Variants in MFN1 observed in about 807,000 individuals in gnomAD.
The protein encoded by MFN1 is mitofusin 1.
In MFN1, 65 loss-of-function variants were observed where a neutral mutation model predicts 92.4. The observed-to-expected ratio is 0.70, with a 90% CI of 0.58 to 0.86. The LOEUF (loss-of-function observed/expected upper bound fraction) is 0.86. Ranked by LOEUF, MFN1 falls within the 40% of genes least tolerant of loss-of-function variation. The pLI is 0.00. For missense variants in MFN1, 781 were observed against 868.0 expected, an observed-to-expected ratio of 0.90 and a Z score of 1.26; for synonymous variants, 297 against 300.9, an observed-to-expected ratio of 0.99 and a Z score of 0.13.
intron 2 of MFN1, among the ~76,000 whole-genome samples, chr3:179,350,633 C>A (rs1020773244): frequency 6.6e-6 from 1 of 151,880 alleles, no homozygotes; most frequent in African/African-American, 2.4e-5. Context: ...GCAAATAAAT[C>A]AAGAAAAACA....
At chr3:179,357,816 G>A (rs887484633) in intron 3 of MFN1, among the ~76,000 whole-genome samples, 3 of 152,146 alleles carry the variant, frequency 2.0e-5, no homozygotes, top group East Asian at 1.9e-4. Context: ...AGGGCACAGC[G>A]GGGATGTCTT....
At chr3:179,376,481 A>G (rs1713245957) in intron 10 of MFN1, among the ~76,000 whole-genome samples, 1 of 152,224 alleles carries the variant, frequency 6.6e-6, no homozygotes, top group African/African-American at 2.4e-5. Flanking sequence ...ATCTTCTTAA[A>G]TGGATCTCAG....
In MFN1 at chr3:179,357,705, A is replaced by C. The variant is rs539525679; in HGVS notation, c.249-1135A>C. Among the ~76,000 whole-genome samples the C allele has an allele frequency of 3.9e-5, 6 of 152,312 alleles. No individual in the cohort carries two copies. In the East Asian group the frequency reaches 1.2e-3, roughly 29 times the overall value. On this transcript the variant is annotated intron_variant, in intron 3 of 17. Transcript: ENST00000471841. The stretch of plus-strand genomic sequence containing the variant: ...TTCTTTGCATTTCAGAGCCATCAAA[A>C]GTGTCCTTTTTCCTATGACTGCATA...
intron 9 of MFN1, among the ~76,000 whole-genome samples, chr3:179,370,262 A>G (rs1001579914): frequency 3.3e-5 from 5 of 151,934 alleles, no homozygotes; most frequent in African/African-American, 1.2e-4. Flanking sequence ...ATAAATATAT[A>G]TCTACATATA....
chr3:179,385,450 C>G (rs764472345), intron 14 of MFN1, 119 bp from the exon 15 acceptor site: 1 of 778,950 alleles, frequency 1.3e-6, no homozygotes, highest in Non-Finnish European at 2.0e-6. Flanking sequence ...TTGTGGTGTA[C>G]TCATCATTTA....
chr3:179,375,509 G>A (rs997734431), intron 10 of MFN1, among the ~76,000 whole-genome samples, 168 bp downstream of exon 10: 1 of 152,142 alleles, frequency 6.6e-6, no homozygotes, highest in Admixed American at 6.5e-5. Context: ...TGAAAGTGTC[G>A]ATATTTATTC....
chr3:179,357,939 G>C (rs1009566930), intron 3 of MFN1, among the ~76,000 whole-genome samples: 1 of 152,094 alleles, frequency 6.6e-6, no homozygotes, highest in African/African-American at 2.4e-5. Flanking sequence ...CTGGGACCTG[G>C]GCTGGAATGA....
chr3:179,349,238 AC>A (rs1214592385), intron 2 of MFN1, among the ~76,000 whole-genome samples: 4 of 152,210 alleles, frequency 2.6e-5, no homozygotes, highest in African/African-American at 7.2e-5. Flanking sequence ...AATTTTCATC[AC>A]CACCATCTGT....
chr3:179,394,068 G>C lies in MFN1; in HGVS notation c.*2009G>C, dbSNP rs1026160164. 1.1e-4 allele frequency: 16 copies of C among 152,200 alleles called. No homozygotes were observed. Among genetic ancestry groups the C allele is most frequent in the African/African-American group, 3.9e-4 (16 of 41,420 alleles). The allele number at this position is 152,200 out of a possible 1,614,324, so 9.4% of individuals were successfully genotyped here. The stretch of plus-strand genomic sequence containing the variant: ...TCCCCATGTTGTGCAGGCTGGTCTT[G>C]AACTCACAGACTCAAGTGATCCTTT... On this transcript the variant is annotated 3_prime_UTR_variant, in exon 18 of 18. Coordinates refer to ENST00000471841, the MANE Select transcript of MFN1 (RefSeq NM_033540.3).
intron 12 of MFN1, 130 bp downstream of exon 12, chr3:179,377,578 TAATA>T: frequency 1.8e-6 from 1 of 545,996 alleles, no homozygotes; most frequent in Non-Finnish European, 3.2e-6. Flanking sequence ...TGCCCTCTTG[TAATA>T]AATGTAAACT....
chr3:179,387,945 G>A (rs1442443499), intron 16 of MFN1, among the ~76,000 whole-genome samples: 1 of 151,990 alleles, frequency 6.6e-6, no homozygotes, highest in African/African-American at 2.4e-5. Flanking sequence ...TGTTGGCCAG[G>A]ATGGTCTCAA....
At position 179,360,299 on chromosome 3, in the gene MFN1, C is replaced by T. The variant is rs572853573; in HGVS notation, c.411+1297C>T. 1.7e-3 allele frequency among the ~76,000 whole-genome samples: 261 copies of T among 152,286 alleles called. 1 individual carries two copies. The highest frequency in any genetic ancestry group is 6.1e-3 in the African/African-American group (253 of 41,576). On this transcript the variant is annotated intron_variant, in intron 4 of 17. Coordinates refer to ENST00000471841, the MANE Select transcript of MFN1 (RefSeq NM_033540.3). ...TCTCAAATTTGTCCCACCTTGGCCT[C>T]CCAAAGTGTTGTGGTTACAGACTTG... is the stretch of plus-strand genomic sequence containing the variant.
chr3:179,372,506 A>G (rs571911778), intron 9 of MFN1, among the ~76,000 whole-genome samples: 1 of 152,280 alleles, frequency 6.6e-6, no homozygotes, highest in South Asian at 2.1e-4. Context: ...GGGGAACTTT[A>G]TTTAAATTAA....
intron 9 of MFN1, among the ~76,000 whole-genome samples, chr3:179,370,798 T>C (rs927473464): frequency 1.5e-4 from 23 of 152,352 alleles, no homozygotes; most frequent in African/African-American, 5.3e-4. Context: ...AATTTGTGAC[T>C]GCAGCTTTAG....
At chr3:179,391,945 A>T (rs756854197) in intron 17 of MFN1, 36 bp from the exon 18 acceptor site, 1 of 1,339,616 alleles carries the variant, frequency 7.5e-7, no homozygotes, top group Non-Finnish European at 1.1e-6. Flanking sequence ...CTTGACCTTT[A>T]TAGTAATTAG....
At chr3:179,371,023 T>C (rs1713003437) in intron 9 of MFN1, among the ~76,000 whole-genome samples, 1 of 152,078 alleles carries the variant, frequency 6.6e-6, no homozygotes, top group Admixed American at 6.6e-5. Flanking sequence ...ATTTGCTTAC[T>C]TTTTTTTGTA....
intron 3 of MFN1, among the ~76,000 whole-genome samples, chr3:179,356,744 A>G (rs1712358157): frequency 6.6e-6 from 1 of 152,162 alleles, no homozygotes; most frequent in Non-Finnish European, 1.5e-5. Context: ...TTAGGTTCAC[A>G]GTTCACTTGA....
chr3:179,394,408 C>CTTTTTTTTTTTT lies in MFN1; in HGVS notation c.*2363_*2374dup, dbSNP rs35345400. 2.4e-5 allele frequency: 2 copies of CTTTTTTTTTTTT among 83,632 alleles called. No homozygotes were observed. The highest frequency in any genetic ancestry group is 4.8e-5 in the African/African-American group (1 of 20,722). 5.2% of individuals were successfully genotyped at this position (83,632 alleles called of 1,614,324 possible). On this transcript the variant is annotated 3_prime_UTR_variant, in exon 18 of 18. Transcript: ENST00000471841. ...GGAACAGTAAAATAACGAAAGCCAA[C>CTTTTTTTTTTTT]TTTTTTTTTTTTTTTTTTTTTTTTT...
intron 14 of MFN1, among the ~76,000 whole-genome samples, chr3:179,381,400 T>G (rs1713462060): frequency 2.0e-5 from 3 of 152,220 alleles, no homozygotes; most frequent in Admixed American, 6.5e-5. Context: ...CCGGAACTTT[T>G]TAATCAAAAC....
Sources: allele counts gnomAD v4.1 joint callset (sites outside exome capture counted in the v4.1 genomes callset), GRCh38; gene constraint gnomAD v4.1.1; transcripts MANE v1.5; gene names NCBI Gene and HGNC (gene_info 2026-07-23, HGNC 2026-07-21).